RANGAP1: variants seen among roughly 807,000 people sequenced by gnomAD.
RANGAP1 encodes ran GTPase-activating protein 1.
In RANGAP1, 38 loss-of-function variants were observed where a neutral mutation model predicts 63.5. The ratio of observed to expected loss-of-function variants is 0.60; its 90% confidence interval spans 0.46 to 0.78. The LOEUF (loss-of-function observed/expected upper bound fraction) is 0.78. RANGAP1 is among the 30% of genes least tolerant of loss of function. The pLI, the probability that RANGAP1 is intolerant of heterozygous loss-of-function variation, is 0.00. For synonymous variants in RANGAP1, 329 were observed against 310.5 expected (o/e 1.06, Z -0.63); for missense variants, 630 against 740.3 (o/e 0.85, Z 1.73).
chr22:41,272,072 C>T (rs1329489102), intron 3 of RANGAP1, among the ~76,000 whole-genome samples: 2 of 152,216 alleles, frequency 1.3e-5, no homozygotes, highest in Non-Finnish European at 2.9e-5. Context: ...CATATAAGAG[C>T]CCAGCCTCAG....
intron 3 of RANGAP1, among the ~76,000 whole-genome samples, chr22:41,271,853 G>A (rs936720908): frequency 6.6e-6 from 1 of 152,182 alleles, no homozygotes; most frequent in Admixed American, 6.5e-5. Context: ...TCAGCACTAC[G>A]CCCGGAACAC....
At chr22:41,288,848 C>T (rs750008715), upstream of RANGAP1, among the ~76,000 whole-genome samples, 1 of 150,790 alleles carries the variant, frequency 6.6e-6, no homozygotes, top group African/African-American at 2.4e-5. Flanking sequence ...TGTTCACATT[C>T]GAAGCTAAAA....
At chr22:41,247,669 A>G (rs2033140148) in intron 15 of RANGAP1, among the ~76,000 whole-genome samples, 1 of 152,176 alleles carries the variant, frequency 6.6e-6, no homozygotes, top group Non-Finnish European at 1.5e-5. Flanking sequence ...TGTTGCCCTC[A>G]ATATCATTAG....
intron 2 of RANGAP1, among the ~76,000 whole-genome samples, chr22:41,275,889 T>C (rs554514520): frequency 5.1e-4 from 77 of 152,016 alleles, no homozygotes; most frequent in African/African-American, 1.8e-3. Context: ...GAGGCTGCAA[T>C]GAGCCATGAT....
chr22:41,282,747 C>T, intron 1 of RANGAP1, among the ~76,000 whole-genome samples: 1 of 152,140 alleles, frequency 6.6e-6, no homozygotes, highest in East Asian at 1.9e-4. Context: ...TAAATTGAAG[C>T]CAGCTATATT....
At position 41,250,986 on chromosome 22, in the gene RANGAP1, G is replaced by A; in HGVS notation, c.1483+21C>T. 2.5e-6 allele frequency: 4 copies of A among 1,606,974 alleles called. No individual in the cohort carries two copies. The South Asian group carries it at 3.3e-5, about 13-fold the overall frequency. On this transcript the variant is annotated intron_variant, in intron 13 of 15. Transcript: ENST00000356244. Reference sequence around the variant, plus strand: ...GCATCAAGGGACAGAGGGCACCCAGGTCTCACCCAGCCCACATTACCTACT... The same window carrying A: ...GCATCAAGGGACAGAGGGCACCCAGATCTCACCCAGCCCACATTACCTACT...
chr22:41,285,794 C>T (rs2035723037), intron 1 of RANGAP1, 192 bp downstream of exon 1: 1 of 819,558 alleles, frequency 1.2e-6, no homozygotes, highest in African/African-American at 1.9e-5. Flanking sequence ...CTCAGTTTCC[C>T]CATTTGTGAA....
At chr22:41,292,754 T>C in the RANGAP1 span, among the ~76,000 whole-genome samples, 1 of 151,480 alleles carries the variant, frequency 6.6e-6, no homozygotes, top group African/African-American at 2.4e-5. Context: ...TCAAAATAAA[T>C]AAATAAATAA....
chr22:41,256,086 T>G lies in RANGAP1; in HGVS notation c.1008A>C (p.Glu336Asp). ...GCACCTCCTGAAGCTGTTCACAGCC[T>G]TCTTCTCCCAGGGTGTTGCCTGCTC... ...LDLNGNTLGE[E>D]GCEQLQEVLE... Residue 336 changes from glutamate to aspartate, a missense_variant, in exon 10 of 16, where the codon GAA becomes GAC. Physicochemically the swap from Glu to Asp is conservative, Grantham distance 45 (BLOSUM62 2). Around this residue, in one of 3 missense-constraint regions of RANGAP1, gnomAD observed 428 missense variants for 465.5 expected, o/e 0.92. Transcript: ENST00000356244. 1 of 1,614,080 alleles carries G rather than the reference T, an allele frequency of 6.2e-7. No homozygotes were observed. Among genetic ancestry groups the G allele is most frequent in the South Asian group, 1.1e-5 (1 of 91,076 alleles).
In RANGAP1 at chr22:41,257,035, T is replaced by A. The variant is rs776434861; in HGVS notation, c.775-211A>T. Among the ~76,000 whole-genome samples, 17 of 151,932 alleles carry A rather than the reference T, an allele frequency of 1.1e-4. No homozygotes were observed. Among genetic ancestry groups the A allele is most frequent in the Non-Finnish European group, 2.2e-4 (15 of 67,926 alleles). On this transcript the variant is annotated intron_variant, in intron 7 of 15. Transcript: ENST00000356244. The surrounding 1 kb of genome is among the most constrained non-coding windows in gnomAD (Gnocchi z 4.0). Reference sequence around the variant, plus strand: ...CTCCCCATGTTACGGCCAGAACTCTTCCTGAGACCAACCAAGCAAGGTTCC... The same window carrying A: ...CTCCCCATGTTACGGCCAGAACTCTACCTGAGACCAACCAAGCAAGGTTCC...
intron 8 of RANGAP1, among the ~76,000 whole-genome samples, 159 bp downstream of exon 8, chr22:41,256,552 C>T (rs2033847128): frequency 6.6e-6 from 1 of 152,198 alleles, no homozygotes; most frequent in Non-Finnish European, 1.5e-5. Context: ...AACCATGGCT[C>T]AGAGGGGTGT....
chr22:41,295,091 C>G, the RANGAP1 span, among the ~76,000 whole-genome samples: 23 of 146,222 alleles, frequency 1.6e-4, no homozygotes, highest in South Asian at 8.4e-4. Context: ...GTCAGCCCCC[C>G]GCCCGGCCAG....
chr22:41,287,355 TA>T (rs1471555215), upstream of RANGAP1, among the ~76,000 whole-genome samples: 7 of 146,348 alleles, frequency 4.8e-5, no homozygotes, highest in African/African-American at 1.7e-4. Context: ...AATTTAAGCA[TA>T]AAAACACAAA....
chr22:41,295,688 T>A, the RANGAP1 span, among the ~76,000 whole-genome samples: 1 of 126,282 alleles, frequency 7.9e-6, no homozygotes, highest in Non-Finnish European at 1.7e-5. Context: ...CACCCAAGAA[T>A]GATCAATTAA....
intron 15 of RANGAP1, among the ~76,000 whole-genome samples, chr22:41,248,534 C>T (rs2033209892): frequency 1.3e-5 from 2 of 152,240 alleles, no homozygotes; most frequent in African/African-American, 2.4e-5. Context: ...AAAGGGACTT[C>T]CTTGCTCCTC....
Position 41,262,717 on chromosome 22 carries a change from TC to T in RANGAP1, c.481-1138del, listed in dbSNP as rs1169114395. On this transcript the variant is annotated intron_variant, in intron 5 of 15. Coordinates refer to ENST00000356244, the MANE Select transcript of RANGAP1 (RefSeq NM_002883.4). ...ATCAAACTTCTGCCAAAGACCAGCC[TC>T]TGAGGAAGCTACTCAGCAGCAGCAG... Among the ~76,000 whole-genome samples, 20 of 152,280 alleles carry T rather than the reference TC, an allele frequency of 1.3e-4. No individual in the cohort carries two copies. In the South Asian group the frequency reaches 3.9e-3, roughly 30 times the overall value.
chr22:41,257,729 G>C lies in RANGAP1; in HGVS notation c.774+219C>G, dbSNP rs754324022. 6.6e-6 allele frequency among the ~76,000 whole-genome samples: 1 copy of C among 152,220 alleles called. No homozygotes were observed. The highest frequency in any genetic ancestry group is 1.5e-5 in the Non-Finnish European group (1 of 68,042). On this transcript the variant is annotated intron_variant, in intron 7 of 15. Coordinates refer to ENST00000356244, the MANE Select transcript of RANGAP1 (RefSeq NM_002883.4). The surrounding 1 kb of genome is among the most constrained non-coding windows in gnomAD (Gnocchi z 4.0). ...CTGCAGAGGCGGCTCAGGAGAAGGTGGCATGAAGAATCAGAGCTGCCCGAG... is the reference window on the plus strand; with the variant it reads ...CTGCAGAGGCGGCTCAGGAGAAGGTCGCATGAAGAATCAGAGCTGCCCGAG...
At chr22:41,291,734 TA>T in the RANGAP1 span, among the ~76,000 whole-genome samples, 2 of 150,160 alleles carry the variant, frequency 1.3e-5, no homozygotes, top group Admixed American at 1.3e-4. Context: ...CCGTCTCTAC[TA>T]AAAAAATACA....
chr22:41,275,483 C>G (rs2035081641), intron 2 of RANGAP1, among the ~76,000 whole-genome samples: 1 of 150,936 alleles, frequency 6.6e-6, no homozygotes, highest in Admixed American at 6.6e-5. Context: ...CACAGCAAGA[C>G]TCCATCTTAA....
Sources: gnomAD v4.1 joint callset for allele counts (sites outside exome capture counted in the v4.1 genomes callset) on GRCh38, gnomAD v4.1.1 for gene constraint, gnomAD v4.1.1 regional missense constraint, Gnocchi (gnomAD v3.1) non-coding constraint, MANE v1.5 for transcripts, NCBI Gene and HGNC (gene_info 2026-07-23, HGNC 2026-07-21) for gene names.